ZFPM1: variants seen among roughly 807,000 people sequenced by gnomAD.
ZFPM1 encodes the protein zinc finger protein, FOG family member 1, also known as zinc finger protein ZFPM1.
ZFPM1 carries 28 observed loss-of-function variants against 46.3 expected under a neutral mutation model. The observed-to-expected ratio is 0.60, with a 90% confidence interval of 0.45 to 0.83. The LOEUF (loss-of-function observed/expected upper bound fraction) is 0.83, where lower values mean the gene tolerates loss of function less well. Among genes scored for constraint, ZFPM1 ranks in the 40% least tolerant of loss-of-function variants. The pLI is 0.00. For missense variants in ZFPM1, 1,878 were observed against 1,432.4 expected, an observed-to-expected ratio of 1.31 and a Z score of -5.02; for synonymous variants, 957 against 675.9, an observed-to-expected ratio of 1.42 and a Z score of -6.45.
chr16:88,519,049 GA>G (rs1911584199), intron 4 of ZFPM1, among the ~76,000 whole-genome samples: 1 of 4,558 alleles, frequency 2.2e-4, no homozygotes, highest in Non-Finnish European at 5.4e-4. Flanking sequence ...TGGATGGATA[GA>G]TGGATGGATG....
chr16:88,452,515 CAG>C (rs1907319697), upstream of ZFPM1, among the ~76,000 whole-genome samples: 1 of 152,244 alleles, frequency 6.6e-6, no homozygotes, highest in South Asian at 2.1e-4. Context: ...TCTGAGCTCA[CAG>C]GGGAAGACCC....
chr16:88,519,161 ATGCATGGGTGGG>A (rs1282873008), intron 4 of ZFPM1, among the ~76,000 whole-genome samples: 2 of 93,844 alleles, frequency 2.1e-5, no homozygotes, highest in Non-Finnish European at 4.2e-5. Flanking sequence ...TGATGGGTGG[ATGCATGGGTGGG>A]TGGATGGGTG....
At position 88,497,276 on chromosome 16, in the gene ZFPM1, G is replaced by C. The variant is rs1909982309; in HGVS notation, c.268+8123G>C. Among the ~76,000 whole-genome samples the C allele has an allele frequency of 6.6e-6, 1 of 152,080 alleles. No individual in the cohort carries two copies. The highest frequency in any genetic ancestry group is 1.5e-5 in the Non-Finnish European group (1 of 68,004). On this transcript the variant is annotated intron_variant, in intron 3 of 9. Transcript: ENST00000319555. The surrounding 1 kb of genome is among the most constrained non-coding windows in gnomAD (Gnocchi z 5.4). Reference sequence around the variant, plus strand: ...GTGGACGGCCCCAGCCCCAGCCCCAGCCCCAGCCCCATTCCAAGGTGTGAC... The same window carrying C: ...GTGGACGGCCCCAGCCCCAGCCCCACCCCCAGCCCCATTCCAAGGTGTGAC...
In ZFPM1 at chr16:88,480,659, A is replaced by T. The variant is rs887128142; in HGVS notation, c.41-5280A>T. Among the ~76,000 whole-genome samples the T allele has an allele frequency of 4.6e-5, 7 of 152,240 alleles. No homozygotes were observed. Among genetic ancestry groups the T allele is most frequent in the African/African-American group, 1.7e-4 (7 of 41,474 alleles). ...CTCATCTCAAACACTGAGCCGGAGC[A>T]GGGTGCTCCCTGGGCCAGGGCCCTG... On this transcript the variant is annotated intron_variant, in intron 1 of 9. Transcript: ENST00000319555. This position sits in a 1 kb window ranked among gnomAD's most constrained non-coding sequence, Gnocchi z 4.9.
intron 2 of ZFPM1, among the ~76,000 whole-genome samples, chr16:88,486,420 G>C (rs376772261): frequency 3.9e-5 from 6 of 152,374 alleles, no homozygotes; most frequent in African/African-American, 1.4e-4. Context: ...GTTGAGCTGT[G>C]ATCCCTGCTG....
At chr16:88,475,624 C>CTTG (rs1323407735) in intron 1 of ZFPM1, among the ~76,000 whole-genome samples, 1 of 152,156 alleles carries the variant, frequency 6.6e-6, no homozygotes, top group Non-Finnish European at 1.5e-5. Flanking sequence ...AGGACAACGC[C>CTTG]GGGTACAGGG....
intron 1 of ZFPM1, among the ~76,000 whole-genome samples, chr16:88,477,048 G>A (rs1027561989): frequency 1.0e-4 from 15 of 149,726 alleles, no homozygotes; most frequent in African/African-American, 3.4e-4. Flanking sequence ...CCGGGGCCAC[G>A]CAGACCTTCC....
chr16:88,512,395 G>A (rs1314291753), intron 3 of ZFPM1, among the ~76,000 whole-genome samples: 1 of 152,186 alleles, frequency 6.6e-6, no homozygotes, highest in Non-Finnish European at 1.5e-5. Context: ...CAGTGTCTCA[G>A]GAACAGCAGG....
At position 88,514,648 on chromosome 16, in the gene ZFPM1, T is replaced by G. The variant is rs1911181159; in HGVS notation, c.402+128T>G. Reference sequence around the variant, plus strand: ...ACTTGAAGATGTGGGCCTGAGATATTGGGACCTGGAGGATAGGGAGGGATT... The same window carrying G: ...ACTTGAAGATGTGGGCCTGAGATATGGGGACCTGGAGGATAGGGAGGGATT... On this transcript the variant is annotated intron_variant, in intron 4 of 9. Coordinates refer to ENST00000319555, the MANE Select transcript of ZFPM1 (RefSeq NM_153813.3). 3.1e-6 allele frequency: 4 copies of G among 1,272,432 alleles called. No individual in the cohort carries two copies. The Admixed American group carries it at 1.1e-4, about 35-fold the overall frequency. The allele number at this position is 1,272,432 out of a possible 1,614,324, so 78.8% of individuals were successfully genotyped here. A position where few individuals can be genotyped will look rare whatever the true frequency, so the allele number is the denominator to read the frequency against.
In ZFPM1 at chr16:88,528,742, GTTGT is replaced by G. The variant is rs1373975225; in HGVS notation, c.712+507_712+510del. 6.6e-5 allele frequency among the ~76,000 whole-genome samples: 3 copies of G among 45,702 alleles called. No individual in the cohort carries two copies. In the Admixed American group the frequency reaches 8.7e-4, roughly 13 times the overall value. 30.0% of individuals were successfully genotyped at this position (45,702 alleles called of 152,430 possible). A position where few individuals can be genotyped will look rare whatever the true frequency, so the allele number is the denominator to read the frequency against. The stretch of plus-strand genomic sequence containing the variant: ...CAAGACATCTGTTGGTTGGGTTTTT[GTTGT>G]TTTTTTTTCGAGACAAGGTCTCACT... On this transcript the variant is annotated intron_variant, in intron 6 of 9. Transcript: ENST00000319555.
At chr16:88,476,955 GAC>G (rs1458124412) in intron 1 of ZFPM1, among the ~76,000 whole-genome samples, 5 of 152,270 alleles carry the variant, frequency 3.3e-5, no homozygotes, top group Non-Finnish European at 7.3e-5. Context: ...GCTTACGCTA[GAC>G]ACACAGTGTG....
At chr16:88,475,410 A>C (rs1364694426) in intron 1 of ZFPM1, among the ~76,000 whole-genome samples, 7 of 151,990 alleles carry the variant, frequency 4.6e-5, no homozygotes, top group Non-Finnish European at 8.8e-5. Context: ...AGCCAGGAGG[A>C]GAAACTGAGG....
intron 4 of ZFPM1, among the ~76,000 whole-genome samples, chr16:88,526,549 C>G (rs1367650993): frequency 1.3e-5 from 2 of 152,188 alleles, no homozygotes; most frequent in Non-Finnish European, 2.9e-5. Flanking sequence ...TCAGTCTCCA[C>G]AAGAACCCTG....
chr16:88,470,141 G>A (rs1471295121), intron 1 of ZFPM1, among the ~76,000 whole-genome samples: 2 of 152,202 alleles, frequency 1.3e-5, no homozygotes, highest in African/African-American at 4.8e-5. Flanking sequence ...ATTGTCCTGG[G>A]CAAAGGCCCC....
At position 88,532,879 on chromosome 16, in the gene ZFPM1, C is replaced by G. The variant is rs574336008; in HGVS notation, c.1133C>G (p.Ser378Cys). 3 of 1,613,418 alleles carry G rather than the reference C, an allele frequency of 1.9e-6. No homozygotes were observed. The highest frequency in any genetic ancestry group is 2.5e-6 in the Non-Finnish European group (3 of 1,179,974). The change falls in exon 9 of 10, where the codon TCC becomes TGC. Residue 378 changes from serine (S) to cysteine (C), a missense_variant. Physicochemically the swap from Ser to Cys is moderately radical, Grantham distance 112. Transcript: ENST00000319555. The part of the protein sequence containing the change: ...VTNHMVCQPG[S>C]KGEIYSPGAG... ...AACCACATGGTCTGCCAGCCTGGCT[C>G]CAAGGGTGAGATCTACTCGCCAGGG... is the stretch of plus-strand genomic sequence containing the variant.
Position 88,533,388 on chromosome 16 carries a change from G to A in ZFPM1, c.1430G>A (p.Gly477Asp), listed in dbSNP as rs1288734530. 7 of 1,523,444 alleles carry A rather than the reference G, an allele frequency of 4.6e-6. No individual in the cohort carries two copies. Among genetic ancestry groups the A allele is most frequent in the South Asian group, 3.6e-5 (3 of 83,062 alleles). 94.4% of individuals were successfully genotyped at this position (1,523,444 alleles called of 1,614,324 possible). The change falls in exon 10 of 10, where the codon GGC (glycine) becomes GAC (aspartate). Residue 477 changes from glycine (G) to aspartate (D), a missense_variant. Coordinates refer to ENST00000319555, the MANE Select transcript of ZFPM1 (RefSeq NM_153813.3). ...GAGCCGGAGGCGGCCCCCATCCTGG[G>A]CCCCGGAGAGCCTGGGCCCCAGGCC... ...VEEPEAAPIL[G>D]PGEPGPQAPS...
At chr16:88,532,313 C>A (rs1912853076) in intron 7 of ZFPM1, 78 bp downstream of exon 7, 1 of 1,365,632 alleles carries the variant, frequency 7.3e-7, no homozygotes, top group East Asian at 2.5e-5. Flanking sequence ...CCCGGGAAAA[C>A]CCACATGCAA....
intron 3 of ZFPM1, among the ~76,000 whole-genome samples, chr16:88,491,894 GTT>G (rs1909599232): frequency 1.3e-5 from 2 of 152,214 alleles, no homozygotes; most frequent in Non-Finnish European, 2.9e-5. Context: ...TCTGTGGGCT[GTT>G]ATCTCTCGGG....
chr16:88,481,486 G>C (rs1425972879), intron 1 of ZFPM1, among the ~76,000 whole-genome samples: 2 of 149,476 alleles, frequency 1.3e-5, no homozygotes, highest in African/African-American at 5.0e-5. Flanking sequence ...CGGCCTTGCT[G>C]GGCCTTGGTT....
Sources: gnomAD v4.1 joint callset for allele counts (sites outside exome capture counted in the v4.1 genomes callset) on GRCh38, gnomAD v4.1.1 for gene constraint, Gnocchi (gnomAD v3.1) non-coding constraint, MANE v1.5 for transcripts, NCBI Gene and HGNC (gene_info 2026-07-23, HGNC 2026-07-21) for gene names.